Variants in FBF1 observed in about 807,000 individuals in gnomAD.
FBF1 encodes fas-binding factor 1.
Under a neutral mutation model 147.2 loss-of-function variants are expected in FBF1, and 119 were observed. That is an observed-to-expected ratio of 0.81 (90% confidence interval 0.70 to 0.94). FBF1 has a LOEUF of 0.94. FBF1 is among the 40% of genes least tolerant of loss of function. The probability of loss-of-function intolerance (pLI) is 0.00; values close to 1 mark genes in which losing one functional copy is unlikely to be tolerated. For missense variants in FBF1, 1,449 were observed against 1,500.8 expected (o/e 0.97, Z 0.57); for synonymous variants, 601 against 609.0 (o/e 0.99, Z 0.19).
Position 75,923,472 on chromosome 17 carries a change from G to C in FBF1, c.1138C>G (p.Arg380Gly), listed in dbSNP as rs199721470. The change falls in exon 14 of 30, where the codon CGG becomes GGG. Residue 380 changes from arginine to glycine, a missense_variant. Transcript: ENST00000636174. This position sits in a 1 kb window ranked among gnomAD's most constrained non-coding sequence, Gnocchi z 4.1. ...FPASPTREAH[R>G]ESSVPVTPSV... ...GGCGTGACAGGCACTGAACTTTCCC[G>C]ATGGGCCTCTCTGGTGGGTGAGGCA... is the stretch of plus-strand genomic sequence containing the variant. 37 of 1,608,658 alleles carry C rather than the reference G, an allele frequency of 2.3e-5. No homozygotes were observed. The highest frequency in any genetic ancestry group is 3.1e-5 in the Non-Finnish European group (37 of 1,177,888).
rs2065555107 is a variant in FBF1 at position 75,925,571 on chromosome 17, T to C, written c.869-125A>G. On this transcript the variant is annotated intron_variant, in intron 12 of 29. Coordinates refer to ENST00000636174, the MANE Select transcript of FBF1 (RefSeq NM_001319193.2). The surrounding 1 kb of genome is among the most constrained non-coding windows in gnomAD (Gnocchi z 5.0). ...TGTAAGACAAGCAGAGGGAAGCTGCTGTGAAGGGAGCACCTCAGGCACTGG... is the reference window on the plus strand; with the variant it reads ...TGTAAGACAAGCAGAGGGAAGCTGCCGTGAAGGGAGCACCTCAGGCACTGG... 4 of 814,536 alleles carry C rather than the reference T, an allele frequency of 4.9e-6. No individual in the cohort carries two copies. In the Admixed American group the frequency reaches 7.4e-5, roughly 15 times the overall value. 50.5% of individuals were successfully genotyped at this position (814,536 alleles called of 1,614,324 possible).
At position 75,914,210 on chromosome 17, in the gene FBF1, C is replaced by G; in HGVS notation, c.2903G>C (p.Arg968Pro). ...CTCCTTCTCCAGCCGCAGCTCCTGC[C>G]GCTCCTGCTCCAGGGCTGCTCTCTC... Reference protein sequence around the residue: ...AAERAALEQERQELRLEKERI... With the variant: ...AAERAALEQEPQELRLEKERI... The change falls in exon 26 of 30, where the codon CGG becomes CCG. Residue 968 changes from arginine (R) to proline (P), a missense_variant. Coordinates refer to ENST00000636174, the MANE Select transcript of FBF1 (RefSeq NM_001319193.2). 6.3e-7 allele frequency: 1 copy of G among 1,594,364 alleles called. No homozygotes were observed. The highest frequency in any genetic ancestry group is 8.5e-7 in the Non-Finnish European group (1 of 1,172,524).
At position 75,923,178 on chromosome 17, in the gene FBF1, G is replaced by A; in HGVS notation, c.1424+8C>T. 1 of 1,568,550 alleles carries A rather than the reference G, an allele frequency of 6.4e-7. No homozygotes were observed. The highest frequency in any genetic ancestry group is 1.2e-5 in the South Asian group (1 of 85,154). On this transcript the variant is annotated splice_region_variant and intron_variant, in intron 14 of 29. Transcript: ENST00000636174. The surrounding 1 kb of genome is among the most constrained non-coding windows in gnomAD (Gnocchi z 4.1). ...CCCCCTACTAGCCACAGCAGCCTAA[G>A]TCAGTACCTGCCAGAAGGGGGATGG...
chr17:75,940,635 CA>C (rs1287925604), intron 1 of FBF1: 3 of 153,728 alleles, frequency 2.0e-5, no homozygotes, highest in African/African-American at 7.2e-5. Flanking sequence ...GAACTTCTGG[CA>C]TCTCCTATCG....
rs781255913 is a variant in FBF1 at position 75,928,203 on chromosome 17, C to T, written c.280-10G>A. On this transcript the variant is annotated splice_polypyrimidine_tract_variant and intron_variant, in intron 7 of 29. Coordinates refer to ENST00000636174, the MANE Select transcript of FBF1 (RefSeq NM_001319193.2). The surrounding 1 kb of genome is among the most constrained non-coding windows in gnomAD (Gnocchi z 4.2). ...CCATGCCGTCCAGGTCCTAGAAAACCAGGGAGGGAGGGCAGAGGACTATGT... is the reference window on the plus strand; with the variant it reads ...CCATGCCGTCCAGGTCCTAGAAAACTAGGGAGGGAGGGCAGAGGACTATGT... 2 of 1,612,396 alleles carry T rather than the reference C, an allele frequency of 1.2e-6. No homozygotes were observed. The highest frequency in any genetic ancestry group is 1.7e-6 in the Non-Finnish European group (2 of 1,178,618).
chr17:75,923,284 CAG>C lies in FBF1; in HGVS notation c.1324_1325del (p.Leu442ValfsTer18), dbSNP rs2065539650. On this transcript the variant is annotated frameshift_variant, in exon 14 of 30. Transcript: ENST00000636174. LOFTEE classifies it high-confidence loss of function. This position sits in a 1 kb window ranked among gnomAD's most constrained non-coding sequence, Gnocchi z 4.1. The stretch of plus-strand genomic sequence containing the variant: ...CCAGGCCTTGGGACTTCTTCCGAGA[CAG>C]GGCATGGCTCAGCCAGTCCTCTTTC... ...EEKEDWLSHA[L>X]SRKKSQGLAR... The C allele has an allele frequency of 6.3e-7, 1 of 1,591,684 alleles. No individual in the cohort carries two copies. Among genetic ancestry groups the C allele is most frequent in the Non-Finnish European group, 8.5e-7 (1 of 1,169,602 alleles).
Position 75,923,040 on chromosome 17 carries a change from A to G in FBF1, c.1424+146T>C, listed in dbSNP as rs2065537638. The stretch of plus-strand genomic sequence containing the variant: ...TGCAGTGCCTAAAAGGCAGAGTAGC[A>G]AAGCCAAGAAGCGGCCTCTGTGGCC... On this transcript the variant is annotated intron_variant, in intron 14 of 29. Transcript: ENST00000636174. The surrounding 1 kb of genome is among the most constrained non-coding windows in gnomAD (Gnocchi z 4.1). 1.3e-6 allele frequency: 1 copy of G among 798,320 alleles called. No homozygotes were observed. The highest frequency in any genetic ancestry group is 1.7e-5 in the African/African-American group (1 of 57,184). The allele number at this position is 798,320 out of a possible 1,614,324, so 49.5% of individuals were successfully genotyped here.
intron 7 of FBF1, 40 bp downstream of exon 7, chr17:75,929,957 C>T: frequency 9.7e-7 from 1 of 1,033,098 alleles, no homozygotes; most frequent in Non-Finnish European, 1.5e-6. Context: ...CCCACCCCAC[C>T]CACCCCCAGT....
At position 75,929,909 on chromosome 17, in the gene FBF1, TAGA is replaced by T. The variant is rs1252339692; in HGVS notation, c.279+85_279+87del. On this transcript the variant is annotated intron_variant, in intron 7 of 29. Transcript: ENST00000636174. ...AAACACAGGTTGTAAAGGGAGAAAT[TAGA>T]AGGAGAATGAAGCTTTGGTACAAAA... is the stretch of plus-strand genomic sequence containing the variant. 4.3e-6 allele frequency: 5 copies of T among 1,168,908 alleles called. No individual in the cohort carries two copies. In the African/African-American group the frequency reaches 4.6e-5, roughly 11 times the overall value. 72.4% of individuals were successfully genotyped at this position (1,168,908 alleles called of 1,614,324 possible). A position where few individuals can be genotyped will look rare whatever the true frequency, so the allele number is the denominator to read the frequency against.
intron 6 of FBF1, among the ~76,000 whole-genome samples, 156 bp downstream of exon 6, chr17:75,931,073 C>T (rs1055110483): frequency 2.2e-4 from 33 of 152,168 alleles, no homozygotes. Flanking sequence ...CTAGCCTGAG[C>T]AACAGAGGGA....
chr17:75,911,250 A>G (rs1436978810), intron 29 of FBF1, among the ~76,000 whole-genome samples: 1 of 152,176 alleles, frequency 6.6e-6, no homozygotes, highest in Non-Finnish European at 1.5e-5. Flanking sequence ...GTGAGACCCC[A>G]TTTCTAAATA....
intron 28 of FBF1, among the ~76,000 whole-genome samples, chr17:75,912,724 T>A (rs1435312063): frequency 1.3e-5 from 2 of 152,176 alleles, no homozygotes; most frequent in African/African-American, 4.8e-5. Context: ...GAAAAACACA[T>A]ACAATCCTAA....
rs957092646 is a variant in FBF1 at position 75,914,372 on chromosome 17, C to T, written c.2815-74G>A. The T allele has an allele frequency of 6.7e-6, 10 of 1,490,604 alleles. No individual in the cohort carries two copies. In the African/African-American group the frequency reaches 1.1e-4, roughly 17 times the overall value. 92.3% of individuals were successfully genotyped at this position (1,490,604 alleles called of 1,614,324 possible). Reference sequence around the variant, plus strand: ...GCACTCTGTGCAGGACTCTAGGGTCCCCTCTGCCCACCCTGCCCCTGGGAG... The same window carrying T: ...GCACTCTGTGCAGGACTCTAGGGTCTCCTCTGCCCACCCTGCCCCTGGGAG... On this transcript the variant is annotated intron_variant, in intron 25 of 29. Coordinates refer to ENST00000636174, the MANE Select transcript of FBF1 (RefSeq NM_001319193.2).
In FBF1 at chr17:75,922,722, G is replaced by A. The variant is rs993113422; in HGVS notation, c.1424+464C>T. Among the ~76,000 whole-genome samples the A allele has an allele frequency of 1.3e-5, 2 of 152,164 alleles. No individual in the cohort carries two copies. Among genetic ancestry groups the A allele is most frequent in the Admixed American group, 6.5e-5 (1 of 15,282 alleles). On this transcript the variant is annotated intron_variant, in intron 14 of 29. Coordinates refer to ENST00000636174, the MANE Select transcript of FBF1 (RefSeq NM_001319193.2). This position sits in a 1 kb window ranked among gnomAD's most constrained non-coding sequence, Gnocchi z 5.0. ...ACGGATAAGGGCTTCTCCAAGAGGCGCCTCTCGGCCACTATGTCTCCTCTA... is the reference window on the plus strand; with the variant it reads ...ACGGATAAGGGCTTCTCCAAGAGGCACCTCTCGGCCACTATGTCTCCTCTA...
At chr17:75,933,758 G>C (rs1043871354) in intron 4 of FBF1, among the ~76,000 whole-genome samples, 4 of 152,128 alleles carry the variant, frequency 2.6e-5, no homozygotes, top group African/African-American at 9.7e-5. Context: ...CAAAGGATCT[G>C]AACAGACATT....
intron 3 of FBF1, among the ~76,000 whole-genome samples, chr17:75,936,301 G>A (rs9914798): frequency 0.024 from 3,545 of 147,960 alleles, 145 homozygotes; most frequent in African/African-American, 0.08. Context: ...GCGACAGAGC[G>A]ATACGCCGTC....
rs9903309 is a variant in FBF1, at chr17:75,913,727, C to T, written c.3222G>A (p.Gln1074=). The change falls in exon 28 of 30, where the codon CAG becomes CAA. Residue 1074 remains glutamine (Q), a synonymous_variant. Transcript: ENST00000636174. ...CACTCTGGCTGGAGGCTGCAGGGCC[C>T]TGGGCCCTGGGGAACAGACCCACGA... ...SSLVGLFPRA[Q]GPAASSQSAL... is the part of the protein sequence containing the mutation. 72 of 1,599,344 alleles carry T rather than the reference C, an allele frequency of 4.5e-5. 1 individual carries two copies. In the Middle Eastern group the frequency reaches 1.2e-3, roughly 26 times the overall value.
chr17:75,924,537 G>C (rs1043479721), intron 13 of FBF1, among the ~76,000 whole-genome samples: 4 of 152,160 alleles, frequency 2.6e-5, no homozygotes, highest in Non-Finnish European at 5.9e-5. Context: ...GCAGTGAGTG[G>C]TGCAATCTCA....
In FBF1 at chr17:75,913,988, T is replaced by C. The variant is rs753933930; in HGVS notation, c.3054A>G (p.Ala1018=). The C allele has an allele frequency of 1.3e-6, 2 of 1,569,972 alleles. No individual in the cohort carries two copies. Among genetic ancestry groups the C allele is most frequent in the East Asian group, 2.3e-5 (1 of 42,990 alleles). Residue 1018 remains alanine, a synonymous_variant, in exon 27 of 30, where the codon GCA becomes GCG. Transcript: ENST00000636174. ...RALREAQQVQ[A]EQQARLQAVQ... ...CCGCCTGCAACCGGGCCTGCTGCTCTGCCTGCACCTGCTGGGCCTCGCGCA... is the reference window on the plus strand; with the variant it reads ...CCGCCTGCAACCGGGCCTGCTGCTCCGCCTGCACCTGCTGGGCCTCGCGCA...
Sources: allele counts gnomAD v4.1 joint callset (sites outside exome capture counted in the v4.1 genomes callset), GRCh38; gene constraint gnomAD v4.1.1; non-coding constraint Gnocchi (gnomAD v3.1); transcripts MANE v1.5; gene names NCBI Gene and HGNC (gene_info 2026-07-23, HGNC 2026-07-21).